ZNF443: variants seen among roughly 807,000 people sequenced by gnomAD.
The protein encoded by ZNF443 is Kruppel-type zinc finger (C2H2).
A neutral mutation model predicts 12.0 loss-of-function variants in ZNF443; 3 were observed. The observed-to-expected ratio is 0.25, with a 90% CI of 0.11 to 0.64. The LOEUF (loss-of-function observed/expected upper bound fraction) is 0.64. Among genes scored for constraint, ZNF443 ranks in the 30% least tolerant of loss-of-function variants. The probability of loss-of-function intolerance (pLI) is 0.84; values close to 1 mark genes in which losing one functional copy is unlikely to be tolerated. For synonymous variants in ZNF443, 225 were observed against 265.9 expected, an observed-to-expected ratio of 0.85 and a Z score of 1.50; for missense variants, 770 against 808.8, an observed-to-expected ratio of 0.95 and a Z score of 0.58.
chr19:12,438,166 C>T (rs996475963), intron 1 of ZNF443, among the ~76,000 whole-genome samples: 108 of 151,670 alleles, frequency 7.1e-4, no homozygotes, highest in Non-Finnish European at 1.2e-3. Context: ...CTGCCATAGT[C>T]AAAGCTACTC....
At position 12,431,543 on chromosome 19, in the gene ZNF443, C is replaced by G. The variant is rs1213394482; in HGVS notation, c.629G>C (p.Ser210Thr). Residue 210 changes from serine (S) to threonine (T), a missense_variant, in exon 4 of 4, where the codon AGT (serine) becomes ACT (threonine). By Grantham distance (58) the Ser-to-Thr change is moderately conservative. Around this residue, in one of 3 missense-constraint regions of ZNF443, gnomAD observed 736 missense variants for 689.4 expected, o/e 1.07. Coordinates refer to ENST00000301547, the MANE Select transcript of ZNF443 (RefSeq NM_005815.5). ...KLCGKAFFWP[S>T]LLHMHERTHT... ...CGTTCTTTCATGCATATGTAATAAA[C>G]TGGGCCAAAAAAACGCTTTCCCACA... is the stretch of plus-strand genomic sequence containing the variant. 6.2e-7 allele frequency: 1 copy of G among 1,614,116 alleles called. No individual in the cohort carries two copies. Among genetic ancestry groups the G allele is most frequent in the South Asian group, 1.1e-5 (1 of 91,072 alleles).
Position 12,430,032 on chromosome 19 carries a change from C to G in ZNF443, c.*124G>C. ...TGACTGTACTGGAAAGAAACTGAAA[C>G]TACTTAAGGCTTTACCAAGTGCTTA... On this transcript the variant is annotated 3_prime_UTR_variant, in exon 4 of 4. Transcript: ENST00000301547. 1.3e-6 allele frequency: 2 copies of G among 1,555,132 alleles called. No individual in the cohort carries two copies. The highest frequency in any genetic ancestry group is 1.7e-6 in the Non-Finnish European group (2 of 1,149,920).
Position 12,430,956 on chromosome 19 carries a change from A to G in ZNF443, c.1216T>C (p.Ser406Pro), listed in dbSNP as rs760301458. The change falls in exon 4 of 4, where the codon TCA (serine) becomes CCA (proline). Residue 406 changes from serine (S) to proline (P), a missense_variant. Around this residue, in one of 3 missense-constraint regions of ZNF443, gnomAD observed 736 missense variants for 689.4 expected, o/e 1.07. Coordinates refer to ENST00000301547, the MANE Select transcript of ZNF443 (RefSeq NM_005815.5). ...ATTATCATATGACTTCGAAAGCTTG[A>G]GCGATGAGATAATGCTTTCCCACAC... ...KQCGKALSHR[S>P]SFRSHMIMHT... is the part of the protein sequence containing the mutation. The G allele has an allele frequency of 8.7e-6, 14 of 1,613,094 alleles. No homozygotes were observed. Among genetic ancestry groups the G allele is most frequent in the Non-Finnish European group, 9.3e-6 (11 of 1,179,620 alleles).
In ZNF443 at chr19:12,430,639, T is replaced by C; in HGVS notation, c.1533A>G (p.Lys511=). 11 of 1,614,128 alleles carry C rather than the reference T, an allele frequency of 6.8e-6. No homozygotes were observed. The highest frequency in any genetic ancestry group is 8.5e-6 in the Non-Finnish European group (10 of 1,179,974). Residue 511 remains lysine, a synonymous_variant, in exon 4 of 4, where the codon AAA becomes AAG. Coordinates refer to ENST00000301547, the MANE Select transcript of ZNF443 (RefSeq NM_005815.5). ...EKPYECKECG[K]AFSRFRYLSR... ...AAAGGTATCTGAAACGACTGAATGCTTTCCCACATTCCTTACACTCATATG... is the reference window on the plus strand; with the variant it reads ...AAAGGTATCTGAAACGACTGAATGCCTTCCCACATTCCTTACACTCATATG...
At chr19:12,439,810 C>A (rs1970346641) in intron 1 of ZNF443, among the ~76,000 whole-genome samples, 1 of 152,038 alleles carries the variant, frequency 6.6e-6, no homozygotes, top group Non-Finnish European at 1.5e-5. Flanking sequence ...ACAATTCTTT[C>A]AAGAAAAAGC....
In ZNF443 at chr19:12,431,790, G is replaced by A; in HGVS notation, c.382C>T (p.His128Tyr). 6.2e-7 allele frequency: 1 copy of A among 1,614,126 alleles called. No individual in the cohort carries two copies. The highest frequency in any genetic ancestry group is 8.5e-7 in the Non-Finnish European group (1 of 1,180,004). ...CATTCATGATACTCATGTGGTTTGT[G>A]CCCAGCACCAACTCTGATGTAACAA... ...LNCYIRVGAG[H>Y]KPHEYHECGE... Residue 128 changes from histidine (H) to tyrosine (Y), a missense_variant, in exon 4 of 4, where the codon CAC becomes TAC. Transcript: ENST00000301547.
rs1211156181 is a variant in ZNF443, at chr19:12,430,739, T to A, written c.1433A>T (p.Lys478Ile). 5 of 1,612,796 alleles carry A rather than the reference T, an allele frequency of 3.1e-6. No homozygotes were observed. Among genetic ancestry groups the A allele is most frequent in the Non-Finnish European group, 3.4e-6 (4 of 1,179,136 alleles). Residue 478 changes from lysine to isoleucine, a missense_variant, in exon 4 of 4, where the codon AAA becomes ATA. Transcript: ENST00000301547. ...ETTHTGEKPY[K>I]CKLGKACIDF... ...AATACAGGCTTTCCCAAGTTTGCAT[T>A]TATAGGGTTTCTCTCCAGTATGAGT...
chr19:12,434,368 T>C (rs1970287561), intron 1 of ZNF443, among the ~76,000 whole-genome samples: 1 of 152,164 alleles, frequency 6.6e-6, no homozygotes, highest in Non-Finnish European at 1.5e-5. Context: ...TGTAGTGAAG[T>C]ATCACAAGAG....
chr19:12,435,836 C>G (rs572908507), intron 1 of ZNF443, among the ~76,000 whole-genome samples: 1 of 151,928 alleles, frequency 6.6e-6, no homozygotes, highest in African/African-American at 2.4e-5. Context: ...TGCAAACATA[C>G]TTTGAAAATG....
Position 12,431,712 on chromosome 19 carries a change from T to A in ZNF443, c.460A>T (p.Asn154Tyr). Residue 154 changes from asparagine to tyrosine, a missense_variant, in exon 4 of 4, where the codon AAC becomes TAC. Physicochemically the swap from Asn to Tyr is moderately radical, Grantham distance 143 (BLOSUM62 -2). Transcript: ENST00000301547. ...AGCCTCTCATGTGTTTGAAATGAGT[T>A]GTGGTAACTGAAGGCTTTCCCACGT... ...KQRGKAFSYHNSFQTHERLHT... is the reference protein window; with the variant it reads ...KQRGKAFSYHYSFQTHERLHT... 6.2e-7 allele frequency: 1 copy of A among 1,614,174 alleles called. No homozygotes were observed. The highest frequency in any genetic ancestry group is 8.5e-7 in the Non-Finnish European group (1 of 1,180,008).
chr19:12,440,796 C>T (rs888766491), intron 1 of ZNF443, 116 bp downstream of exon 1: 39 of 1,562,382 alleles, frequency 2.5e-5, no homozygotes, highest in Non-Finnish European at 3.3e-5. Context: ...CCAGGGGGAC[C>T]CGGGTCCGTA....
Position 12,431,372 on chromosome 19 carries a change from GA to G in ZNF443, c.799del (p.Ser267ProfsTer3), listed in dbSNP as rs1344260367. 1 of 1,613,968 alleles carries G rather than the reference GA, an allele frequency of 6.2e-7. No individual in the cohort carries two copies. The highest frequency in any genetic ancestry group is 8.5e-7 in the Non-Finnish European group (1 of 1,179,932). ...QCSKAFPFYS[S>X]YLRHERTHTG... ...ATGTGTTCTTTCATGTCTTAGATAGGAACTGTAAAAAGGAAAGGCTTTAGAA... is the reference window on the plus strand; with the variant it reads ...ATGTGTTCTTTCATGTCTTAGATAGGACTGTAAAAAGGAAAGGCTTTAGAA... On this transcript the variant is annotated frameshift_variant, in exon 4 of 4. Coordinates refer to ENST00000301547, the MANE Select transcript of ZNF443 (RefSeq NM_005815.5). LOFTEE classifies it low-confidence loss of function (END_TRUNC).
chr19:12,436,123 A>G (rs1334206562), intron 1 of ZNF443, among the ~76,000 whole-genome samples: 3 of 146,904 alleles, frequency 2.0e-5, no homozygotes, highest in Middle Eastern at 3.4e-3. Flanking sequence ...AGTAAAGGCA[A>G]TGATGAACAA....
At chr19:12,437,058 G>T (rs1374659658) in intron 1 of ZNF443, among the ~76,000 whole-genome samples, 1 of 151,540 alleles carries the variant, frequency 6.6e-6, no homozygotes, top group Non-Finnish European at 1.5e-5. Context: ...TGTTGTGAAT[G>T]GTTTACTCCA....
chr19:12,432,286 C>G (rs544307474), intron 3 of ZNF443, 91 bp downstream of exon 3: 553 of 1,168,364 alleles, frequency 4.7e-4, no homozygotes, highest in South Asian at 1.3e-3. Context: ...TTTAAGCTAG[C>G]CTTGTTCATT....
At chr19:12,436,740 A>G (rs1295631977) in intron 1 of ZNF443, among the ~76,000 whole-genome samples, 1 of 136,368 alleles carries the variant, frequency 7.3e-6, no homozygotes, top group Non-Finnish European at 1.6e-5. Flanking sequence ...CAGGTTAGAA[A>G]TTCAGATCAT....
At chr19:12,432,531 A>C in intron 2 of ZNF443, 94 bp from the exon 3 acceptor site, 1 of 842,324 alleles carries the variant, frequency 1.2e-6, no homozygotes. Flanking sequence ...TTCAAAATGC[A>C]TTCACTGAAG....
rs1970234055 is a variant in ZNF443, at chr19:12,430,242, TG to T, written c.1929del (p.His643GlnfsTer67). 6.2e-7 allele frequency: 1 copy of T among 1,613,510 alleles called. No homozygotes were observed. On this transcript the variant is annotated frameshift_variant, in exon 4 of 4. Transcript: ENST00000301547. LOFTEE classifies it low-confidence loss of function (END_TRUNC). ...TTACATTCATATGGGTTCTCTCCAG[TG>T]TGAGTTTTTTTCCAGTGAGTCTTTT... The part of the protein sequence containing the change: ...RHKKTHWKKT[H>X]TGENPYECKE...
Position 12,432,384 on chromosome 19 carries a change from T to A in ZNF443, c.184A>T (p.Asn62Tyr), listed in dbSNP as rs766350974. 3 of 1,566,530 alleles carry A rather than the reference T, an allele frequency of 1.9e-6. No homozygotes were observed. Among genetic ancestry groups the A allele is most frequent in the Non-Finnish European group, 2.6e-6 (3 of 1,145,996 alleles). ...IEDQYRYPRK[N>Y]LRCRMLERFV... is the part of the protein sequence containing the mutation. ...CTTGTGAGTGTAAATTACCTTAGAT[T>A]TTTCCTGGGATATCTATATTGATCT... is the stretch of plus-strand genomic sequence containing the variant. The change falls in exon 3 of 4, where the codon AAT becomes TAT. Residue 62 changes from asparagine (N) to tyrosine (Y), a missense_variant. This residue lies in a region of ZNF443 where 736 missense variants were observed against 689.4 expected (regional missense o/e 1.07). Transcript: ENST00000301547.
Sources: allele counts gnomAD v4.1 joint callset (sites outside exome capture counted in the v4.1 genomes callset), GRCh38; gene constraint gnomAD v4.1.1; regional missense constraint gnomAD v4.1.1; transcripts MANE v1.5; gene names NCBI Gene and HGNC (gene_info 2026-07-23, HGNC 2026-07-21).